LOC128462377: variants seen among roughly 807,000 people sequenced by gnomAD.
chr16:89,405,924 AC>A, the LOC128462377 span, among the ~76,000 whole-genome samples: 3 of 152,054 alleles, frequency 2.0e-5, no homozygotes, highest in African/African-American at 7.2e-5. Context: ...AGTCTGGCCA[AC>A]ATGGTAAAGC....
chr16:89,334,201 C>T, the LOC128462377 span, among the ~76,000 whole-genome samples: 5 of 106,288 alleles, frequency 4.7e-5, no homozygotes, highest in Non-Finnish European at 9.7e-5. Context: ...AAAGAAAAAA[C>T]ACTGTTCCCA....
At chr16:89,416,106 A>C in the LOC128462377 span, among the ~76,000 whole-genome samples, 42 of 152,258 alleles carry the variant, frequency 2.8e-4, no homozygotes, top group Admixed American at 1.3e-3. Context: ...AAATGGCATT[A>C]AACACCTTAG....
At chr16:89,323,126 C>T in the LOC128462377 span, 14 of 340,146 alleles carry the variant, frequency 4.1e-5, no homozygotes, top group African/African-American at 2.5e-4. Flanking sequence ...TTGTGCGCTC[C>T]GTGGAAAGGG....
chr16:89,344,199 T>C, the LOC128462377 span, among the ~76,000 whole-genome samples: 3 of 152,136 alleles, frequency 2.0e-5, no homozygotes, highest in Non-Finnish European at 2.9e-5. Context: ...AGCCCCTAAG[T>C]CATCACTAGG....
the LOC128462377 span, chr16:89,320,293 T>C: frequency 6.6e-6 from 1 of 152,286 alleles, no homozygotes; most frequent in Non-Finnish European, 1.5e-5. Context: ...GACTCTTCCC[T>C]GGAAGGTGAC....
At chr16:89,355,284 C>T in the LOC128462377 span, among the ~76,000 whole-genome samples, 2 of 151,374 alleles carry the variant, frequency 1.3e-5, no homozygotes, top group African/African-American at 2.4e-5. Flanking sequence ...GGCTCACACC[C>T]TGAGGCTCGG....
chr16:89,406,036 G>T, the LOC128462377 span, among the ~76,000 whole-genome samples: 3 of 147,478 alleles, frequency 2.0e-5, no homozygotes, highest in African/African-American at 5.1e-5. Flanking sequence ...CCTGAACCCC[G>T]AAGGCAGAGG....
the LOC128462377 span, among the ~76,000 whole-genome samples, chr16:89,396,363 C>A: frequency 7.2e-5 from 11 of 151,926 alleles, no homozygotes; most frequent in African/African-American, 2.4e-4. Flanking sequence ...CCCACACACA[C>A]GCGACGGAGC....
At chr16:89,384,532 A>AC in the LOC128462377 span, among the ~76,000 whole-genome samples, 2 of 125,268 alleles carry the variant, frequency 1.6e-5, no homozygotes, top group Non-Finnish European at 3.5e-5. Flanking sequence ...ACAGGATGGG[A>AC]TGGGACTGGG....
At chr16:89,347,537 GGA>G in the LOC128462377 span, among the ~76,000 whole-genome samples, 1 of 151,744 alleles carries the variant, frequency 6.6e-6, no homozygotes, top group East Asian at 1.9e-4. Flanking sequence ...CGTGAACCTG[GGA>G]GATGGAGGTT....
the LOC128462377 span, among the ~76,000 whole-genome samples, chr16:89,361,084 C>T: frequency 6.6e-6 from 1 of 152,208 alleles, no homozygotes; most frequent in African/African-American, 2.4e-5. Context: ...GCAATGGCAC[C>T]TCCTACTCTC....
the LOC128462377 span, among the ~76,000 whole-genome samples, chr16:89,340,265 T>C: frequency 1.3e-5 from 2 of 152,252 alleles, no homozygotes; most frequent in African/African-American, 2.4e-5. Flanking sequence ...GGCAGATGTC[T>C]TCTGTTGTAA....
the LOC128462377 span, among the ~76,000 whole-genome samples, chr16:89,406,975 A>T: frequency 6.6e-6 from 1 of 152,188 alleles, no homozygotes; most frequent in South Asian, 2.1e-4. Flanking sequence ...ACTTGAGGTC[A>T]GGAGTTTGAG....
At chr16:89,356,854 C>T in the LOC128462377 span, among the ~76,000 whole-genome samples, 5 of 151,330 alleles carry the variant, frequency 3.3e-5, no homozygotes, top group African/African-American at 1.2e-4. Flanking sequence ...AAGGATAATG[C>T]ACATAATAAA....
chr16:89,363,863 C>G, the LOC128462377 span, among the ~76,000 whole-genome samples: 1 of 152,074 alleles, frequency 6.6e-6, no homozygotes, highest in African/African-American at 2.4e-5. Flanking sequence ...CGAGACCAGC[C>G]TGGCCATCGT....
At chr16:89,335,497 C>T in the LOC128462377 span, among the ~76,000 whole-genome samples, 1 of 152,226 alleles carries the variant, frequency 6.6e-6, no homozygotes, top group African/African-American at 2.4e-5. Flanking sequence ...GGCAGGTGCT[C>T]TCCCTCCTCT....
the LOC128462377 span, among the ~76,000 whole-genome samples, chr16:89,368,710 C>T: frequency 6.6e-6 from 1 of 151,134 alleles, no homozygotes; most frequent in African/African-American, 2.4e-5. Context: ...GAGCTCAAGA[C>T]CAGCCTAGGC....
the LOC128462377 span, among the ~76,000 whole-genome samples, chr16:89,328,563 C>T: frequency 6.6e-6 from 1 of 150,436 alleles, no homozygotes; most frequent in African/African-American, 2.5e-5. Flanking sequence ...GAGGCCCCTG[C>T]TGAGTGAGTG....
the LOC128462377 span, among the ~76,000 whole-genome samples, chr16:89,366,583 A>C: frequency 6.6e-6 from 1 of 152,128 alleles, no homozygotes; most frequent in Non-Finnish European, 1.5e-5. Context: ...GCTGGTTTCC[A>C]CTCGCTGAAA....
Sources: gnomAD v4.1 joint callset for allele counts (sites outside exome capture counted in the v4.1 genomes callset) on GRCh38, gnomAD v4.1.1 for gene constraint, MANE v1.5 for transcripts.